Variants in DNM3 observed in about 807,000 individuals in gnomAD.
DNM3 encodes dynamin-3.
A neutral mutation model predicts 101.6 loss-of-function variants in DNM3; 47 were observed. That is an observed-to-expected ratio of 0.46 (90% CI 0.37 to 0.59). DNM3 has a LOEUF of 0.59. Ranked by LOEUF, DNM3 falls within the 20% of genes least tolerant of loss-of-function variation. The pLI, the probability that DNM3 is intolerant of heterozygous loss-of-function variation, is 0.00. For missense variants in DNM3, 849 were observed against 1,085.7 expected, an observed-to-expected ratio of 0.78 and a Z score of 3.06; for synonymous variants, 385 against 387.9, an observed-to-expected ratio of 0.99 and a Z score of 0.09.
At chr1:171,924,749 G>A (rs1330974282) in intron 2 of DNM3, among the ~76,000 whole-genome samples, 7 of 152,130 alleles carry the variant, frequency 4.6e-5, no homozygotes, top group Non-Finnish European at 5.9e-5. Flanking sequence ...CATATCAATA[G>A]CCATTCTGAC....
chr1:172,214,457 A>G (rs1394188592), intron 14 of DNM3, among the ~76,000 whole-genome samples: 1 of 152,070 alleles, frequency 6.6e-6, no homozygotes, highest in Non-Finnish European at 1.5e-5. Context: ...AAAAAAAGAA[A>G]AAAAAGTTTG....
At chr1:172,029,122 G>A (rs749906374) in intron 4 of DNM3, among the ~76,000 whole-genome samples, 2 of 152,054 alleles carry the variant, frequency 1.3e-5, no homozygotes, top group Non-Finnish European at 2.9e-5. Flanking sequence ...AAAATTTCAG[G>A]CCAATATCCC....
downstream of DNM3, among the ~76,000 whole-genome samples, chr1:172,414,074 G>C (rs966796264): frequency 6.6e-6 from 1 of 152,160 alleles, no homozygotes; most frequent in Admixed American, 6.5e-5. Context: ...TCTGGCATTG[G>C]TGTAAACATA....
At chr1:172,119,480 CTCTCTCT>C (rs2056158430) in intron 13 of DNM3, among the ~76,000 whole-genome samples, 1 of 152,028 alleles carries the variant, frequency 6.6e-6, no homozygotes, top group Admixed American at 6.6e-5. Context: ...TCTCTGTTCT[CTCTCTCT>C]TCTAGCCCCG....
chr1:172,033,915 G>A (rs1045874375), intron 6 of DNM3, among the ~76,000 whole-genome samples: 4 of 152,090 alleles, frequency 2.6e-5, no homozygotes, highest in South Asian at 2.1e-4. Context: ...TAAGTGTTAC[G>A]ACAAGCATCA....
chr1:172,210,851 A>T (rs949710072), intron 14 of DNM3, among the ~76,000 whole-genome samples: 1 of 152,096 alleles, frequency 6.6e-6, no homozygotes, highest in African/African-American at 2.4e-5. Flanking sequence ...CTATACTTAG[A>T]TTTCATTCCT....
At chr1:172,046,327 TTC>T (rs2049797396) in intron 9 of DNM3, among the ~76,000 whole-genome samples, 2 of 152,198 alleles carry the variant, frequency 1.3e-5, no homozygotes, top group South Asian at 4.1e-4. Flanking sequence ...ACACCACATG[TTC>T]TCACTCATAG....
At chr1:172,231,683 T>C (rs1461562608) in intron 14 of DNM3, among the ~76,000 whole-genome samples, 1 of 152,024 alleles carries the variant, frequency 6.6e-6, no homozygotes, top group African/African-American at 2.4e-5. Context: ...GGCAAAGAAA[T>C]TAAAAACCTT....
At chr1:172,182,556 C>T (rs1267027201) in intron 14 of DNM3, among the ~76,000 whole-genome samples, 1 of 152,108 alleles carries the variant, frequency 6.6e-6, no homozygotes, top group African/African-American at 2.4e-5. Context: ...TGCTTTTCTC[C>T]TACTCTGTTT....
At chr1:172,105,270 T>C (rs778992219) in intron 13 of DNM3, among the ~76,000 whole-genome samples, 13 of 152,236 alleles carry the variant, frequency 8.5e-5, no homozygotes, top group Non-Finnish European at 1.2e-4. Context: ...ATTCCTTACA[T>C]CCACTCATGC....
chr1:171,909,859 G>A (rs1181402497), intron 1 of DNM3, among the ~76,000 whole-genome samples: 1 of 152,156 alleles, frequency 6.6e-6, no homozygotes, highest in Admixed American at 6.5e-5. Context: ...TCATGGGAAC[G>A]GAGATCTTTT....
intron 14 of DNM3, among the ~76,000 whole-genome samples, chr1:172,235,662 C>T (rs1011793318): frequency 6.6e-6 from 1 of 151,868 alleles, no homozygotes; most frequent in African/African-American, 2.4e-5. Flanking sequence ...ATACTATGAA[C>T]CCATAAAAAA....
chr1:171,907,645 T>G (rs974533850), intron 1 of DNM3, among the ~76,000 whole-genome samples: 2 of 152,202 alleles, frequency 1.3e-5, no homozygotes, highest in Non-Finnish European at 2.9e-5. Context: ...AATATCTGAC[T>G]TCTTCCCCTT....
At chr1:171,963,565 G>T (rs2043356765) in intron 2 of DNM3, among the ~76,000 whole-genome samples, 1 of 152,104 alleles carries the variant, frequency 6.6e-6, no homozygotes, top group Admixed American at 6.6e-5. Flanking sequence ...TGTAACAAAT[G>T]TCCCACTCTG....
At chr1:172,287,846 CA>C (rs1304055362) in intron 15 of DNM3, among the ~76,000 whole-genome samples, 8 of 150,974 alleles carry the variant, frequency 5.3e-5, no homozygotes, top group Non-Finnish European at 5.9e-5. Flanking sequence ...TTTTTTGAGA[CA>C]AGATCTTGCT....
chr1:172,361,692 G>A (rs2067748939), intron 17 of DNM3, among the ~76,000 whole-genome samples: 1 of 151,860 alleles, frequency 6.6e-6, no homozygotes, highest in Non-Finnish European at 1.5e-5. Flanking sequence ...AGTAGTGTTA[G>A]GTTCTCTCCT....
chr1:172,214,109 A>G (rs1225584597), intron 14 of DNM3, among the ~76,000 whole-genome samples: 1 of 152,168 alleles, frequency 6.6e-6, no homozygotes, highest in East Asian at 1.9e-4. Context: ...GAATTATTCT[A>G]AATTACAGCT....
chr1:172,018,781 A>C (rs140756258), intron 4 of DNM3, among the ~76,000 whole-genome samples: 232 of 152,302 alleles, frequency 1.5e-3, no homozygotes, highest in Middle Eastern at 6.8e-3. Flanking sequence ...TTGTTACCTT[A>C]CTTATTCCTT....
chr1:172,206,822 G>A (rs985907312), intron 14 of DNM3, among the ~76,000 whole-genome samples: 8 of 151,902 alleles, frequency 5.3e-5, no homozygotes, highest in Admixed American at 2.0e-4. Context: ...AACCTATTTC[G>A]TACTTGGAAA....
Sources: gnomAD v4.1 joint callset for allele counts (sites outside exome capture counted in the v4.1 genomes callset) on GRCh38, gnomAD v4.1.1 for gene constraint, MANE v1.5 for transcripts, NCBI Gene and HGNC (gene_info 2026-07-23, HGNC 2026-07-21) for gene names.